The following MEGF11 variants were observed in gnomAD, a reference collection of about 807,000 sequenced individuals.
MEGF11 encodes the protein multiple epidermal growth factor-like domains protein 11.
A neutral mutation model predicts 146.6 loss-of-function variants in MEGF11; 126 were observed. The observed-to-expected ratio is 0.86, with a 90% CI of 0.74 to 1.00. The LOEUF (loss-of-function observed/expected upper bound fraction) is 1.00, where lower values mean the gene tolerates loss of function less well. Ranked by LOEUF, MEGF11 falls within the 50% of genes least tolerant of loss-of-function variation. MEGF11 has a pLI of 0.00. For synonymous variants in MEGF11, 532 were observed against 583.4 expected (o/e 0.91, Z 1.27); for missense variants, 1,509 against 1,521.2 (o/e 0.99, Z 0.13).
chr15:66,082,427 A>T (rs900421504), intron 5 of MEGF11, among the ~76,000 whole-genome samples: 3 of 6,332 alleles, frequency 4.7e-4, no homozygotes, highest in African/African-American at 1.1e-3. Context: ...ATCTCTACTA[A>T]AAAAAAAAAA....
chr15:65,955,823 A>AATATATATATATATATAT (rs71139451), intron 10 of MEGF11, among the ~76,000 whole-genome samples: 5 of 40,202 alleles, frequency 1.2e-4, no homozygotes, highest in African/African-American at 3.0e-4. Context: ...CAATACTTTA[A>AATATATATATATATATAT]ATATATAACA....
At chr15:66,090,830 A>T (rs2140644927) in intron 5 of MEGF11, among the ~76,000 whole-genome samples, 1 of 152,358 alleles carries the variant, frequency 6.6e-6, no homozygotes, top group East Asian at 1.9e-4. Flanking sequence ...ACATAAAGTT[A>T]AATTTAAACA....
intron 1 of MEGF11, among the ~76,000 whole-genome samples, chr15:66,133,727 A>G (rs74021633): frequency 0.035 from 5,394 of 152,238 alleles, 339 homozygotes; most frequent in African/African-American, 0.12. Context: ...CCTGCCCTGC[A>G]GCAATCCCAC....
At chr15:66,142,568 GGC>G (rs2089208370) in intron 1 of MEGF11, among the ~76,000 whole-genome samples, 1 of 152,232 alleles carries the variant, frequency 6.6e-6, no homozygotes, top group South Asian at 2.1e-4. Context: ...TGAGTGAGCC[GGC>G]ACGACCGCCA....
intron 5 of MEGF11, among the ~76,000 whole-genome samples, chr15:66,004,937 T>C (rs2082476303): frequency 6.6e-6 from 1 of 152,108 alleles, no homozygotes; most frequent in Non-Finnish European, 1.5e-5. Flanking sequence ...AAGACACAAA[T>C]TAAGCCAGGC....
At chr15:66,214,447 C>T (rs189459374) in intron 1 of MEGF11, among the ~76,000 whole-genome samples, 7 of 152,276 alleles carry the variant, frequency 4.6e-5, no homozygotes, top group Admixed American at 2.0e-4. Flanking sequence ...ATGACTCTCA[C>T]GATGTGATCT....
At chr15:65,998,770 C>T (rs936938682) in intron 5 of MEGF11, among the ~76,000 whole-genome samples, 1 of 152,202 alleles carries the variant, frequency 6.6e-6, no homozygotes, top group Non-Finnish European at 1.5e-5. Flanking sequence ...GCAAGGAACA[C>T]AGCCAGCACT....
At chr15:65,986,919 T>C (rs2081881376) in intron 5 of MEGF11, among the ~76,000 whole-genome samples, 1 of 150,356 alleles carries the variant, frequency 6.7e-6, no homozygotes, top group African/African-American at 2.4e-5. Context: ...TGCTTCAGCC[T>C]CCTGAGTAGC....
At chr15:66,025,208 A>G (rs1948463877) in intron 5 of MEGF11, among the ~76,000 whole-genome samples, 1 of 152,240 alleles carries the variant, frequency 6.6e-6, no homozygotes, top group South Asian at 2.1e-4. Context: ...CCAGTGCCCA[A>G]GAGAAGGGGA....
At chr15:65,986,827 C>G (rs2081876544) in intron 5 of MEGF11, among the ~76,000 whole-genome samples, 1 of 128,352 alleles carries the variant, frequency 7.8e-6, no homozygotes, top group African/African-American at 3.0e-5. Context: ...GACAGAGTCT[C>G]AACTCTGTTG....
At chr15:65,951,876 C>G (rs2080416094) in intron 10 of MEGF11, among the ~76,000 whole-genome samples, 1 of 151,826 alleles carries the variant, frequency 6.6e-6, no homozygotes, top group Non-Finnish European at 1.5e-5. Flanking sequence ...GTGGTACATG[C>G]CTGTATTCTC....
intron 1 of MEGF11, among the ~76,000 whole-genome samples, chr15:66,168,017 A>G (rs531252453): frequency 1.1e-4 from 17 of 152,248 alleles, no homozygotes; most frequent in African/African-American, 4.1e-4. Context: ...TCCTCCCAGC[A>G]GCCAGAGGGA....
intron 15 of MEGF11, among the ~76,000 whole-genome samples, chr15:65,920,842 G>A (rs2079150824): frequency 6.6e-6 from 1 of 152,150 alleles, no homozygotes; most frequent in African/African-American, 2.4e-5. Context: ...TCTATATGTG[G>A]GAAATACTCA....
At chr15:66,180,188 C>A (rs1028598268) in intron 1 of MEGF11, among the ~76,000 whole-genome samples, 2 of 152,218 alleles carry the variant, frequency 1.3e-5, no homozygotes, top group Non-Finnish European at 2.9e-5. Flanking sequence ...CCACTGGTAG[C>A]CAGGGCCGTG....
At chr15:65,899,063 A>T in intron 24 of MEGF11, 129 bp from the exon 25 acceptor site, 1 of 856,646 alleles carries the variant, frequency 1.2e-6, no homozygotes, top group African/African-American at 1.7e-5. Context: ...ATAATCCAAG[A>T]TTTATTTACT....
In MEGF11 at chr15:66,128,214, G is replaced by T. The variant is rs1044582848; in HGVS notation, c.98+92C>A. ...CCAGGCTGCAGACCCTTAGAGGGCA[G>T]CTCCTGGATCTCCTGACTGCCTCTG... On this transcript the variant is annotated intron_variant, in intron 2 of 25. Transcript: ENST00000395614. 3.8e-6 allele frequency: 3 copies of T among 782,298 alleles called. 1 individual carries two copies. Among genetic ancestry groups the T allele is most frequent in the African/African-American group, 3.6e-5 (2 of 55,018 alleles). 48.5% of individuals were successfully genotyped at this position (782,298 alleles called of 1,614,324 possible). A position where few individuals can be genotyped will look rare whatever the true frequency, so the allele number is the denominator to read the frequency against.
chr15:66,245,266 A>G (rs772473950), intron 1 of MEGF11, among the ~76,000 whole-genome samples: 46 of 152,152 alleles, frequency 3.0e-4, no homozygotes, highest in Non-Finnish European at 5.7e-4. Context: ...TCAACTGTCT[A>G]TTTGAGGAAC....
intron 1 of MEGF11, among the ~76,000 whole-genome samples, chr15:66,212,225 G>C (rs2091477752): frequency 6.6e-6 from 1 of 152,102 alleles, no homozygotes; most frequent in African/African-American, 2.4e-5. Flanking sequence ...GTGTCAGGGA[G>C]CAAGTGGCAA....
intron 2 of MEGF11, among the ~76,000 whole-genome samples, chr15:66,127,190 A>G (rs2088394325): frequency 6.6e-6 from 1 of 152,240 alleles, no homozygotes; most frequent in Non-Finnish European, 1.5e-5. Context: ...AAAAATCCAG[A>G]TTGGAATGAA....
Sources: gnomAD v4.1 joint callset for allele counts (sites outside exome capture counted in the v4.1 genomes callset) on GRCh38, gnomAD v4.1.1 for gene constraint, MANE v1.5 for transcripts, NCBI Gene and HGNC (gene_info 2026-07-23, HGNC 2026-07-21) for gene names.